Variants in ANO2 observed in about 807,000 individuals in gnomAD.
The protein encoded by ANO2 is anoctamin-2.
Under a neutral mutation model 124.2 loss-of-function variants are expected in ANO2, and 101 were observed. The ratio of observed to expected loss-of-function variants is 0.81; its 90% CI spans 0.69 to 0.96. The LOEUF (loss-of-function observed/expected upper bound fraction) is 0.96, where lower values mean the gene tolerates loss of function less well. ANO2 is among the 40% of genes least tolerant of loss of function. ANO2 has a pLI of 0.00. For missense variants in ANO2, 1,293 were observed against 1,274.5 expected, an observed-to-expected ratio of 1.01 and a Z score of -0.22; for synonymous variants, 486 against 482.5, an observed-to-expected ratio of 1.01 and a Z score of -0.09.
intron 10 of ANO2, among the ~76,000 whole-genome samples, chr12:5,756,604 C>T (rs1003578262): frequency 9.9e-5 from 15 of 152,166 alleles, no homozygotes; most frequent in Admixed American, 8.5e-4. Context: ...GGGTGGGGTC[C>T]AAGGGTGGAT....
chr12:5,847,082 G>A (rs192326079), intron 4 of ANO2, among the ~76,000 whole-genome samples: 3 of 152,294 alleles, frequency 2.0e-5, no homozygotes, highest in African/African-American at 7.2e-5. Context: ...GGGATGAAAT[G>A]AGCATTTGAG....
At chr12:5,600,399 G>A (rs12426181) in intron 19 of ANO2, among the ~76,000 whole-genome samples, 50,776 of 151,976 alleles carry the variant, frequency 0.33, 8,665 homozygotes, top group Admixed American at 0.4. Context: ...ATTTCTGTCA[G>A]TTAAGCCTAT....
At chr12:5,698,969 G>C (rs1315220522) in intron 14 of ANO2, among the ~76,000 whole-genome samples, 1 of 152,206 alleles carries the variant, frequency 6.6e-6, no homozygotes, top group Non-Finnish European at 1.5e-5. Flanking sequence ...CATCTGATTG[G>C]TGTACCTGAA....
chr12:5,923,257 TAC>T (rs34200084), intron 1 of ANO2, among the ~76,000 whole-genome samples: 20,886 of 74,296 alleles, frequency 0.28, 4,469 homozygotes, highest in East Asian at 0.5. Flanking sequence ...TACACACACA[TAC>T]ACACACACAC....
At chr12:5,812,147 C>T (rs1953409449) in intron 7 of ANO2, among the ~76,000 whole-genome samples, 1 of 108,864 alleles carries the variant, frequency 9.2e-6, no homozygotes, top group Non-Finnish European at 1.8e-5. Context: ...CAGGGCAGGG[C>T]AGGGGAGTGG....
At chr12:5,597,623 T>C (rs1943730205) in intron 20 of ANO2, among the ~76,000 whole-genome samples, 1 of 152,168 alleles carries the variant, frequency 6.6e-6, no homozygotes, top group African/African-American at 2.4e-5. Flanking sequence ...ACAGACAAGG[T>C]TGACAAGCAT....
chr12:5,806,796 A>T (rs531330950), intron 8 of ANO2, among the ~76,000 whole-genome samples: 14 of 152,104 alleles, frequency 9.2e-5, no homozygotes, highest in Admixed American at 4.6e-4. Flanking sequence ...TTCAAAAAAA[A>T]TTTTTTTTAA....
chr12:5,924,776 C>G (rs995693363), intron 1 of ANO2, among the ~76,000 whole-genome samples: 1 of 152,214 alleles, frequency 6.6e-6, no homozygotes, highest in Admixed American at 6.5e-5. Context: ...CAGATTCCCA[C>G]AGCCTCCCTC....
chr12:5,759,588 T>C (rs1394265783), intron 10 of ANO2, among the ~76,000 whole-genome samples: 2 of 148,486 alleles, frequency 1.3e-5, no homozygotes, highest in Non-Finnish European at 3.0e-5. Context: ...ATGAACCCTA[T>C]TGTGAACTGC....
intron 16 of ANO2, among the ~76,000 whole-genome samples, chr12:5,622,999 G>A (rs1945202562): frequency 6.6e-6 from 1 of 151,474 alleles, no homozygotes; most frequent in Non-Finnish European, 1.5e-5. Flanking sequence ...AAGAAAGGAA[G>A]GAAAGAAATG....
At chr12:5,840,568 T>C (rs532354731) in intron 4 of ANO2, among the ~76,000 whole-genome samples, 12 of 152,134 alleles carry the variant, frequency 7.9e-5, no homozygotes, top group Admixed American at 3.9e-4. Flanking sequence ...CATTGGGAGA[T>C]CCAATGACCC....
intron 1 of ANO2, among the ~76,000 whole-genome samples, chr12:5,944,567 G>A (rs1050526270): frequency 6.6e-6 from 1 of 152,188 alleles, no homozygotes; most frequent in African/African-American, 2.4e-5. Flanking sequence ...ATAAAATAAC[G>A]TCTTTCTTCT....
chr12:5,751,057 G>T (rs1335428182), intron 10 of ANO2, 87 bp from the exon 11 acceptor site: 16 of 1,317,710 alleles, frequency 1.2e-5, no homozygotes, highest in Non-Finnish European at 1.6e-5. Flanking sequence ...CTAAGGGTGG[G>T]TCAACATAGA....
chr12:5,702,761 T>C (rs1949456620), intron 14 of ANO2, among the ~76,000 whole-genome samples: 1 of 152,092 alleles, frequency 6.6e-6, no homozygotes, highest in South Asian at 2.1e-4. Flanking sequence ...CACAAAAACA[T>C]ACAAATCGAA....
intron 3 of ANO2, among the ~76,000 whole-genome samples, chr12:5,901,049 G>A (rs777400723): frequency 3.4e-4 from 52 of 152,184 alleles, no homozygotes; most frequent in Non-Finnish European, 5.3e-4. Context: ...TTCCCGACAC[G>A]CTTTGCTTTC....
intron 4 of ANO2, among the ~76,000 whole-genome samples, chr12:5,833,202 T>C (rs1252772115): frequency 6.6e-6 from 1 of 152,246 alleles, no homozygotes; most frequent in Non-Finnish European, 1.5e-5. Flanking sequence ...GTATTAAACA[T>C]TTAATGAGTA....
intron 12 of ANO2, among the ~76,000 whole-genome samples, chr12:5,741,968 A>G (rs1429757485): frequency 6.6e-6 from 1 of 152,190 alleles, no homozygotes; most frequent in Non-Finnish European, 1.5e-5. Context: ...CTTAACCTCT[A>G]TTCGGAAAAG....
At chr12:5,595,232 T>C (rs915506500) in intron 20 of ANO2, among the ~76,000 whole-genome samples, 5 of 152,156 alleles carry the variant, frequency 3.3e-5, no homozygotes, top group African/African-American at 1.2e-4. Context: ...GGGGTGTCAC[T>C]CTGTCACTTA....
At chr12:5,595,027 G>A (rs1002263467) in intron 20 of ANO2, among the ~76,000 whole-genome samples, 4 of 152,136 alleles carry the variant, frequency 2.6e-5, no homozygotes, top group Non-Finnish European at 4.4e-5. Context: ...CAGAACATCC[G>A]TAGTTCACCA....
Sources: allele counts gnomAD v4.1 joint callset (sites outside exome capture counted in the v4.1 genomes callset), GRCh38; gene constraint gnomAD v4.1.1; transcripts MANE v1.5; gene names NCBI Gene and HGNC (gene_info 2026-07-23, HGNC 2026-07-21).